The following PLEKHA7 variants were observed in gnomAD, a reference collection of about 807,000 sequenced individuals.
PLEKHA7 encodes the protein pleckstrin homology domain-containing family A member 7.
A neutral mutation model predicts 170.0 loss-of-function variants in PLEKHA7; 104 were observed. The ratio of observed to expected loss-of-function variants is 0.61; its 90% CI spans 0.52 to 0.72. PLEKHA7 has a LOEUF of 0.72. PLEKHA7 is among the 30% of genes least tolerant of loss of function. The probability of loss-of-function intolerance (pLI) is 0.00; values close to 1 mark genes in which losing one functional copy is unlikely to be tolerated. For missense variants in PLEKHA7, 1,615 were observed against 1,671.7 expected, an observed-to-expected ratio of 0.97 and a Z score of 0.59; for synonymous variants, 648 against 660.8, an observed-to-expected ratio of 0.98 and a Z score of 0.30.
At chr11:16,780,995 G>A (rs1387581996) in intron 26 of PLEKHA7, 2 of 986,174 alleles carry the variant, frequency 2.0e-6, no homozygotes, top group Non-Finnish European at 2.4e-6. Context: ...AGGGGGGTAA[G>A]GTGGCACCGT....
intron 3 of PLEKHA7, among the ~76,000 whole-genome samples, chr11:16,899,949 G>A (rs1590538430): frequency 6.6e-6 from 1 of 152,158 alleles, no homozygotes; most frequent in East Asian, 1.9e-4. Context: ...AGGTGCTAGG[G>A]GTAGGCAGGG....
At chr11:16,961,911 A>AAACACC (rs1262921354) in intron 3 of PLEKHA7, among the ~76,000 whole-genome samples, 14 of 152,202 alleles carry the variant, frequency 9.2e-5, no homozygotes, top group African/African-American at 3.4e-4. Flanking sequence ...AACATGAGTA[A>AAACACC]AACACCTATG....
At chr11:16,919,907 G>T (rs1288477753) in intron 3 of PLEKHA7, among the ~76,000 whole-genome samples, 1 of 151,916 alleles carries the variant, frequency 6.6e-6, no homozygotes, top group Non-Finnish European at 1.5e-5. Flanking sequence ...AAAGGACTTT[G>T]ACTTTGAGCT....
At chr11:16,851,760 T>C (rs976017074) in intron 7 of PLEKHA7, among the ~76,000 whole-genome samples, 1 of 152,152 alleles carries the variant, frequency 6.6e-6, no homozygotes, top group Non-Finnish European at 1.5e-5. Flanking sequence ...GCTCTACCCA[T>C]TCTTAAAAGC....
intron 8 of PLEKHA7, among the ~76,000 whole-genome samples, chr11:16,846,399 G>A (rs931595716): frequency 5.9e-5 from 9 of 152,172 alleles, no homozygotes; most frequent in Non-Finnish European, 1.3e-4. Flanking sequence ...CAGTGAACAG[G>A]GTAAGAACTT....
intron 13 of PLEKHA7, among the ~76,000 whole-genome samples, chr11:16,805,812 AAC>A (rs1181692470): frequency 1.3e-5 from 2 of 151,602 alleles, no homozygotes; most frequent in Admixed American, 6.6e-5. Flanking sequence ...AAAAAACAAA[AAC>A]AAAAACAAAA....
intron 4 of PLEKHA7, among the ~76,000 whole-genome samples, chr11:16,860,860 C>T (rs1226498499): frequency 6.6e-6 from 1 of 152,196 alleles, no homozygotes; most frequent in Non-Finnish European, 1.5e-5. Flanking sequence ...CTTACTGACT[C>T]CTCCACAAGT....
chr11:16,856,628 G>A (rs973521801), intron 4 of PLEKHA7, among the ~76,000 whole-genome samples: 3 of 152,178 alleles, frequency 2.0e-5, no homozygotes, highest in Non-Finnish European at 4.4e-5. Flanking sequence ...AGCTGCCCTG[G>A]GAGGGCCAAC....
intron 3 of PLEKHA7, among the ~76,000 whole-genome samples, chr11:16,945,945 T>C (rs1017007020): frequency 4.6e-5 from 7 of 152,192 alleles, no homozygotes; most frequent in African/African-American, 1.2e-4. Context: ...TAACCGGTGC[T>C]CTTTGCTTTG....
rs374110595 is a variant in PLEKHA7 at position 16,841,684 on chromosome 11, G to A, written c.735C>T (p.Ser245=). ...HTGMRALIYN[S]STAGSQAEQS... is the part of the protein sequence containing the mutation. ...GCTCGGCCTGAGAGCCCGCTGTGGA[G>A]CTGTTATAGATGAGCGCTCGCATCC... The change falls in exon 9 of 27, where the codon AGC becomes AGT. Residue 245 remains serine (S), a synonymous_variant. Transcript: ENST00000531066. 1.2e-6 allele frequency: 2 copies of A among 1,614,062 alleles called. No individual in the cohort carries two copies. Among genetic ancestry groups the A allele is most frequent in the African/African-American group, 1.3e-5 (1 of 74,930 alleles).
chr11:16,866,319 C>T (rs1348271072), intron 4 of PLEKHA7, among the ~76,000 whole-genome samples: 1 of 150,240 alleles, frequency 6.7e-6, no homozygotes, highest in Non-Finnish European at 1.5e-5. Flanking sequence ...AGGCTGGGCA[C>T]AGTAGCTCAT....
chr11:16,866,293 G>C (rs1854384518), intron 4 of PLEKHA7, among the ~76,000 whole-genome samples: 1 of 152,148 alleles, frequency 6.6e-6, no homozygotes, highest in African/African-American at 2.4e-5. Context: ...GCCACCCTCA[G>C]TAAAGAGGGC....
At chr11:16,858,915 T>C (rs150368479) in intron 4 of PLEKHA7, among the ~76,000 whole-genome samples, 20 of 152,312 alleles carry the variant, frequency 1.3e-4, no homozygotes, top group African/African-American at 4.8e-4. Context: ...TACTAGCTTC[T>C]GGGATGCTAG....
intron 10 of PLEKHA7, among the ~76,000 whole-genome samples, chr11:16,819,756 TAGA>T: frequency 6.6e-6 from 1 of 152,116 alleles, no homozygotes; most frequent in Non-Finnish European, 1.5e-5. Context: ...GTCAAACTCA[TAGA>T]AGAACAGAGT....
intron 13 of PLEKHA7, among the ~76,000 whole-genome samples, chr11:16,803,703 A>G (rs1338975221): frequency 2.0e-5 from 3 of 152,186 alleles, no homozygotes; most frequent in African/African-American, 7.2e-5. Context: ...CCCCCTGCCC[A>G]GGGTGGTGAG....
intron 3 of PLEKHA7, among the ~76,000 whole-genome samples, chr11:16,906,472 C>T (rs1857719052): frequency 1.4e-5 from 2 of 141,630 alleles, no homozygotes; most frequent in South Asian, 2.3e-4. Context: ...AGGCACGCGC[C>T]GCCATGCCTG....
rs1283927231 is a variant in PLEKHA7, at chr11:17,014,170, G to GGTGC, written c.117_118insGCAC (p.Pro40AlafsTer38). ...GAGTTGACGGGCTCCCCGGTGCGCGGATGCAGCCAGGTCGTGCAGCGGAGC... is the reference window on the plus strand; with the variant it reads ...GAGTTGACGGGCTCCCCGGTGCGCGGGTGCATGCAGCCAGGTCGTGCAGCGGAGC... On this transcript the variant is annotated frameshift_variant, in exon 2 of 27. Transcript: ENST00000531066. LOFTEE classifies it high-confidence loss of function. 1.2e-6 allele frequency: 2 copies of GGTGC among 1,601,772 alleles called. No homozygotes were observed. Among genetic ancestry groups the GGTGC allele is most frequent in the South Asian group, 2.2e-5 (2 of 89,944 alleles).
chr11:16,798,819 C>G (rs539215155), intron 17 of PLEKHA7, among the ~76,000 whole-genome samples: 1 of 152,306 alleles, frequency 6.6e-6, no homozygotes, highest in South Asian at 2.1e-4. Flanking sequence ...TACACAGATA[C>G]TTGTAAACAA....
chr11:16,785,981 T>C (rs1409576169), intron 24 of PLEKHA7, among the ~76,000 whole-genome samples: 1 of 152,222 alleles, frequency 6.6e-6, no homozygotes, highest in East Asian at 1.9e-4. Flanking sequence ...CACTTCACTG[T>C]TGAGGAAACT....
Sources: allele counts gnomAD v4.1 joint callset (sites outside exome capture counted in the v4.1 genomes callset), GRCh38; gene constraint gnomAD v4.1.1; transcripts MANE v1.5; gene names NCBI Gene and HGNC (gene_info 2026-07-23, HGNC 2026-07-21).